The following DLG2 variants were observed in gnomAD, a reference collection of about 807,000 sequenced individuals.
DLG2 encodes the protein discs large MAGUK scaffold protein 2, also known as disks large homolog 2.
Under a neutral mutation model 132.5 loss-of-function variants are expected in DLG2, and 45 were observed. That is an observed-to-expected ratio of 0.34 (90% CI 0.27 to 0.44). The LOEUF (loss-of-function observed/expected upper bound fraction) is 0.44. Ranked by LOEUF, DLG2 falls within the 20% of genes least tolerant of loss-of-function variation. DLG2 has a pLI of 1.00. For synonymous variants in DLG2, 424 were observed against 419.6 expected (o/e 1.01, Z -0.13); for missense variants, 1,045 against 1,196.9 (o/e 0.87, Z 1.87).
intron 16 of DLG2, among the ~76,000 whole-genome samples, chr11:83,863,540 C>T (rs537505457): frequency 6.6e-6 from 1 of 151,924 alleles, no homozygotes; most frequent in East Asian, 1.9e-4. Flanking sequence ...GGTTCTAGCA[C>T]ATGAGAAAGA....
At chr11:84,760,243 T>C (rs1471347166) in intron 6 of DLG2, among the ~76,000 whole-genome samples, 1 of 152,226 alleles carries the variant, frequency 6.6e-6, no homozygotes, top group Non-Finnish European at 1.5e-5. Flanking sequence ...AATCTCTTAG[T>C]AAATGATGTT....
chr11:84,218,295 A>G (rs551587820), intron 8 of DLG2, among the ~76,000 whole-genome samples: 2 of 140,350 alleles, frequency 1.4e-5, no homozygotes, highest in East Asian at 4.2e-4. Context: ...GAAAGAGAGA[A>G]AGAGAAAGAA....
At chr11:83,650,590 T>C (rs142552936) in intron 18 of DLG2, among the ~76,000 whole-genome samples, 1 of 152,324 alleles carries the variant, frequency 6.6e-6, no homozygotes, top group African/African-American at 2.4e-5. Context: ...TAATTTATTA[T>C]AGTAGCAATA....
intron 14 of DLG2, among the ~76,000 whole-genome samples, chr11:83,952,583 G>A (rs1031871957): frequency 6.6e-6 from 1 of 152,178 alleles, no homozygotes. Context: ...AAGTACTTAT[G>A]TAAATTATGG....
At chr11:83,530,059 C>A (rs2095699845) in intron 21 of DLG2, among the ~76,000 whole-genome samples, 1 of 151,574 alleles carries the variant, frequency 6.6e-6, no homozygotes, top group Non-Finnish European at 1.5e-5. Context: ...AGTAAAAATC[C>A]TCTCACATAT....
chr11:83,615,447 T>C (rs867885036), intron 19 of DLG2, among the ~76,000 whole-genome samples: 3 of 152,244 alleles, frequency 2.0e-5, no homozygotes, highest in Admixed American at 6.5e-5. Flanking sequence ...TTGAATGTTA[T>C]ATAAATCATA....
intron 6 of DLG2, among the ~76,000 whole-genome samples, chr11:84,594,823 T>A (rs546952696): frequency 1.3e-5 from 2 of 152,338 alleles, no homozygotes; most frequent in African/African-American, 4.8e-5. Context: ...CAGGTTTCCA[T>A]GGATACAACT....
intron 18 of DLG2, among the ~76,000 whole-genome samples, chr11:83,664,703 C>G (rs762328665): frequency 2.6e-5 from 4 of 152,138 alleles, no homozygotes; most frequent in Non-Finnish European, 5.9e-5. Flanking sequence ...GAGTGCATCA[C>G]CCTTCCTTAA....
At chr11:84,355,388 A>G (rs1013725790) in intron 7 of DLG2, among the ~76,000 whole-genome samples, 2 of 151,992 alleles carry the variant, frequency 1.3e-5, no homozygotes, top group East Asian at 3.9e-4. Flanking sequence ...AGGTGACTGG[A>G]TCATGAGGGT....
At chr11:84,979,828 CA>C (rs1330307193) in intron 6 of DLG2, among the ~76,000 whole-genome samples, 5 of 145,224 alleles carry the variant, frequency 3.4e-5, no homozygotes, top group African/African-American at 5.1e-5. Flanking sequence ...AATCCTCCTT[CA>C]AAAAAAAAAC....
intron 3 of DLG2, among the ~76,000 whole-genome samples, chr11:85,407,303 C>T (rs925339566): frequency 1.3e-5 from 2 of 151,730 alleles, no homozygotes; most frequent in African/African-American, 2.4e-5. Context: ...AGAAGAGAAC[C>T]AGTTGGAAGG....
At chr11:84,807,252 C>G (rs1432487339) in intron 6 of DLG2, among the ~76,000 whole-genome samples, 3 of 152,212 alleles carry the variant, frequency 2.0e-5, no homozygotes, top group South Asian at 2.1e-4. Flanking sequence ...TTGAGACCAG[C>G]CTGGCTAACG....
intron 6 of DLG2, chr11:84,887,293 G>C (rs1046342073): frequency 2.0e-5 from 3 of 152,006 alleles, no homozygotes; most frequent in Admixed American, 6.6e-5. Context: ...AAGCAAAACA[G>C]CTTCCCTGAA....
At chr11:83,684,622 C>T (rs1399531081) in intron 18 of DLG2, 1 of 152,054 alleles carries the variant, frequency 6.6e-6, no homozygotes, top group African/African-American at 2.4e-5. Flanking sequence ...CAGATGTAAA[C>T]AAAGAACAGG....
rs1555241470 is a variant in DLG2, at chr11:84,823,627, A to ACT, written c.357+288032_357+288033dup. Among the ~76,000 whole-genome samples, 7 of 136,808 alleles carry ACT rather than the reference A, an allele frequency of 5.1e-5. No individual in the cohort carries two copies. In the East Asian group the frequency reaches 1.3e-3, roughly 25 times the overall value. 89.8% of individuals were successfully genotyped at this position (136,808 alleles called of 152,430 possible). ...CACACACACACACACACACACACAC[A>ACT]CTTCATATTCCCCTGCCGAGCCCAG... On this transcript the variant is annotated intron_variant, in intron 6 of 27. Coordinates refer to ENST00000376104, the MANE Select transcript of DLG2 (RefSeq NM_001142699.3).
intron 7 of DLG2, among the ~76,000 whole-genome samples, chr11:84,440,110 C>A (rs998838732): frequency 1.3e-5 from 2 of 152,092 alleles, no homozygotes; most frequent in African/African-American, 2.4e-5. Flanking sequence ...CTTTAGTGAC[C>A]TTTTTTACAC....
intron 6 of DLG2, among the ~76,000 whole-genome samples, chr11:84,784,046 C>T (rs1346969945): frequency 1.4e-5 from 2 of 148,072 alleles, no homozygotes; most frequent in East Asian, 3.9e-4. Flanking sequence ...ACCTATAATC[C>T]CAGCACTTTG....
Position 85,335,909 on chromosome 11 carries a change from T to G in DLG2, c.41-50544A>C, listed in dbSNP as rs2082093264. ...TGTACACCTATGTAACAAACCTGCA[T>G]GTTCTGCACATGTACCCCAGAACTT... On this transcript the variant is annotated intron_variant, in intron 3 of 27. Transcript: ENST00000376104. 1.3e-5 allele frequency among the ~76,000 whole-genome samples: 2 copies of G among 152,130 alleles called. 1 individual carries two copies. Among genetic ancestry groups the G allele is most frequent in the South Asian group, 4.1e-4 (2 of 4,830 alleles).
rs1229999521 is a variant in DLG2, at chr11:83,458,281, C to A, written c.*1537G>T. 3.9e-5 allele frequency: 6 copies of A among 152,626 alleles called. No individual in the cohort carries two copies. Among genetic ancestry groups the A allele is most frequent in the Admixed American group, 1.3e-4 (2 of 15,282 alleles). 9.5% of individuals were successfully genotyped at this position (152,626 alleles called of 1,614,324 possible). Reference sequence around the variant, plus strand: ...TCCACTCTAAAGTGGGAAACCAACTCTTCTAGTTCAGTTTATAGGCTTTGG... The same window carrying A: ...TCCACTCTAAAGTGGGAAACCAACTATTCTAGTTCAGTTTATAGGCTTTGG... On this transcript the variant is annotated 3_prime_UTR_variant, in exon 28 of 28. Transcript: ENST00000376104.
Sources: allele counts gnomAD v4.1 joint callset (sites outside exome capture counted in the v4.1 genomes callset), GRCh38; gene constraint gnomAD v4.1.1; transcripts MANE v1.5; gene names NCBI Gene and HGNC (gene_info 2026-07-23, HGNC 2026-07-21).